The following AGO2 variants were observed in gnomAD, a reference collection of about 807,000 sequenced individuals.
The protein encoded by AGO2 is argonaute RISC catalytic component 2.
AGO2 carries 5 observed loss-of-function variants against 102.3 expected under a neutral mutation model. The observed-to-expected ratio is 0.05, with a 90% CI of 0.03 to 0.10. The LOEUF (loss-of-function observed/expected upper bound fraction) is 0.10, where lower values mean the gene tolerates loss of function less well. Among genes scored for constraint, AGO2 ranks in the 10% least tolerant of loss-of-function variants. The pLI is 1.00. For synonymous variants in AGO2, 449 were observed against 473.1 expected, an observed-to-expected ratio of 0.95 and a Z score of 0.66; for missense variants, 541 against 1,183.7, an observed-to-expected ratio of 0.46 and a Z score of 7.97.
At chr8:140,563,335 A>G (rs1429879442) in intron 3 of AGO2, among the ~76,000 whole-genome samples, 1 of 152,186 alleles carries the variant, frequency 6.6e-6, no homozygotes, top group East Asian at 1.9e-4. Flanking sequence ...GGCTCAAGGG[A>G]TCCTTTCGCC....
In AGO2 at chr8:140,567,392, C is replaced by T. The variant is rs946164291; in HGVS notation, c.337-4758G>A. 6.6e-6 allele frequency among the ~76,000 whole-genome samples: 1 copy of T among 152,256 alleles called. No homozygotes were observed. The highest frequency in any genetic ancestry group is 1.5e-5 in the Non-Finnish European group (1 of 68,046). On this transcript the variant is annotated intron_variant, in intron 3 of 18. Transcript: ENST00000220592. The surrounding 1 kb of genome is among the most constrained non-coding windows in gnomAD (Gnocchi z 5.0). ...CTGCCAGCAGCAGGTGGTCCACACC[C>T]GAGACACTGCCGCCTCTCAACAGCC...
At position 140,542,512 on chromosome 8, in the gene AGO2, A is replaced by T. The variant is rs1196265813; in HGVS notation, c.1840-1154T>A. ...TTAACATAAACAGAAATCTGTTCCT[A>T]TTGATTGAGAATTGTGGGGATAGGG... is the stretch of plus-strand genomic sequence containing the variant. On this transcript the variant is annotated intron_variant, in intron 14 of 18. Coordinates refer to ENST00000220592, the MANE Select transcript of AGO2 (RefSeq NM_012154.5). Among the ~76,000 whole-genome samples the T allele has an allele frequency of 2.0e-5, 3 of 149,766 alleles. No individual in the cohort carries two copies. The East Asian group carries it at 6.1e-4, about 31-fold the overall frequency.
intron 1 of AGO2, among the ~76,000 whole-genome samples, chr8:140,597,487 C>CT (rs1283799706): frequency 7.5e-6 from 1 of 134,000 alleles, no homozygotes; most frequent in Non-Finnish European, 1.7e-5. Context: ...CCCCCCCCCC[C>CT]GCCCCAGGCC....
chr8:140,562,361 T>G, intron 4 of AGO2, 92 bp downstream of exon 4: 28 of 1,456,454 alleles, frequency 1.9e-5, no homozygotes, highest in Non-Finnish European at 2.6e-5. Context: ...GATCCAAGAA[T>G]GAGCCGTTCC....
intron 1 of AGO2, among the ~76,000 whole-genome samples, chr8:140,594,688 T>A (rs911765424): frequency 6.6e-6 from 1 of 151,986 alleles, no homozygotes; most frequent in East Asian, 1.9e-4. Context: ...GCCTCTGTAG[T>A]CCCAGCTACT....
chr8:140,532,320 C>T (rs950960282), intron 18 of AGO2, 96 bp downstream of exon 18: 2 of 1,477,030 alleles, frequency 1.4e-6, no homozygotes, highest in Non-Finnish European at 1.8e-6. Context: ...GCTCCAGCCG[C>T]TGGGGCCCTG....
intron 2 of AGO2, among the ~76,000 whole-genome samples, chr8:140,577,481 T>C (rs561580033): frequency 6.6e-6 from 1 of 152,256 alleles, no homozygotes; most frequent in African/African-American, 2.4e-5. Context: ...TAGGCCTACA[T>C]AAAGGTAATT....
At position 140,537,606 on chromosome 8, in the gene AGO2, T is replaced by G. The variant is rs75483811; in HGVS notation, c.2169+1714A>C. Among the ~76,000 whole-genome samples the G allele has an allele frequency of 3.3e-4, 31 of 93,196 alleles. No individual in the cohort carries two copies. In the East Asian group the frequency reaches 0.011, roughly 33 times the overall value. 61.1% of individuals were successfully genotyped at this position (93,196 alleles called of 152,430 possible). On this transcript the variant is annotated intron_variant, in intron 16 of 18. Coordinates refer to ENST00000220592, the MANE Select transcript of AGO2 (RefSeq NM_012154.5). Reference sequence around the variant, plus strand: ...CGTGAGTCACTACGCCTGGCCCCAATTTTTTTTCCTTAGTTTTTCATTTTT... The same window carrying G: ...CGTGAGTCACTACGCCTGGCCCCAAGTTTTTTTCCTTAGTTTTTCATTTTT...
chr8:140,579,903 T>TG, intron 2 of AGO2, among the ~76,000 whole-genome samples: 1 of 152,250 alleles, frequency 6.6e-6, no homozygotes, highest in Non-Finnish European at 1.5e-5. Context: ...CCTGGCCCCC[T>TG]GCTCCACAGG....
At chr8:140,555,701 GA>G in intron 10 of AGO2, 194 bp downstream of exon 10, 1 of 781,236 alleles carries the variant, frequency 1.3e-6, no homozygotes, top group Non-Finnish European at 1.9e-6. Flanking sequence ...GGATAATTCT[GA>G]AAAACTTTAA....
chr8:140,545,294 C>T (rs2072879956), intron 13 of AGO2, among the ~76,000 whole-genome samples: 1 of 152,192 alleles, frequency 6.6e-6, no homozygotes, highest in Non-Finnish European at 1.5e-5. Flanking sequence ...CCCAAGGTCA[C>T]CGATGAGCTC....
chr8:140,541,135 G>A (rs900968464), intron 15 of AGO2, 29 bp downstream of exon 15: 4 of 1,520,166 alleles, frequency 2.6e-6, no homozygotes, highest in Middle Eastern at 3.4e-4. Context: ...CCCCAGAGAA[G>A]GGGAGGGAAG....
chr8:140,542,273 T>C (rs1171887374), intron 14 of AGO2, among the ~76,000 whole-genome samples: 1 of 152,154 alleles, frequency 6.6e-6, no homozygotes, highest in Non-Finnish European at 1.5e-5. Context: ...AAAACACTGA[T>C]GGAAATAAAA....
At chr8:140,549,535 A>G (rs2072959511) in intron 11 of AGO2, among the ~76,000 whole-genome samples, 1 of 152,274 alleles carries the variant, frequency 6.6e-6, no homozygotes, top group African/African-American at 2.4e-5. Flanking sequence ...AAGTGCACTC[A>G]AAAGTCACAT....
At chr8:140,639,015 C>A (rs1398151151), upstream of AGO2, among the ~76,000 whole-genome samples, 1 of 152,156 alleles carries the variant, frequency 6.6e-6, no homozygotes, top group Non-Finnish European at 1.5e-5. Flanking sequence ...GTTACTAGGA[C>A]TACAAGAGTA....
chr8:140,562,867 C>T (rs1334071453), intron 3 of AGO2, among the ~76,000 whole-genome samples: 1 of 152,238 alleles, frequency 6.6e-6, no homozygotes, highest in Non-Finnish European at 1.5e-5. Context: ...CCACATGTGG[C>T]AGTGGCTGGT....
chr8:140,583,457 T>TA (rs2081764328), intron 2 of AGO2, among the ~76,000 whole-genome samples: 1 of 152,224 alleles, frequency 6.6e-6, no homozygotes, highest in African/African-American at 2.4e-5. Flanking sequence ...GTGAACATCA[T>TA]AGAGTATATT....
chr8:140,535,284 C>T (rs971098463), intron 17 of AGO2, 184 bp downstream of exon 17: 10 of 601,760 alleles, frequency 1.7e-5, no homozygotes, highest in Non-Finnish European at 2.4e-5. Flanking sequence ...TGCTGACCCA[C>T]CCCCCAGGCC....
intron 11 of AGO2, among the ~76,000 whole-genome samples, chr8:140,550,060 C>T (rs1436283053): frequency 1.3e-5 from 2 of 152,146 alleles, no homozygotes; most frequent in East Asian, 3.9e-4. Flanking sequence ...AAGGAAGGGG[C>T]CAAGGACAAA....
Sources: gnomAD v4.1 joint callset for allele counts (sites outside exome capture counted in the v4.1 genomes callset) on GRCh38, gnomAD v4.1.1 for gene constraint, Gnocchi (gnomAD v3.1) non-coding constraint, MANE v1.5 for transcripts, NCBI Gene and HGNC (gene_info 2026-07-23, HGNC 2026-07-21) for gene names.